The following ARHGAP39 variants were observed in gnomAD, a reference collection of about 807,000 sequenced individuals.
The protein encoded by ARHGAP39 is rho GTPase-activating protein 39.
ARHGAP39 carries 44 observed loss-of-function variants against 106.9 expected under a neutral mutation model. The observed-to-expected ratio is 0.41, with a 90% confidence interval of 0.32 to 0.53. The LOEUF is 0.53. ARHGAP39 is among the 20% of genes least tolerant of loss of function. The pLI is 0.21. For synonymous variants in ARHGAP39, 768 were observed against 693.2 expected, an observed-to-expected ratio of 1.11 and a Z score of -1.69; for missense variants, 1,496 against 1,577.3, an observed-to-expected ratio of 0.95 and a Z score of 0.87.
chr8:144,530,745 C>T lies in ARHGAP39; in HGVS notation c.3107G>A (p.Arg1036His), dbSNP rs867615474. Residue 1036 changes from arginine to histidine, a missense_variant, in exon 11 of 12, where the codon CGC (arginine) becomes CAC (histidine). This residue lies in a region of ARHGAP39 where 470 missense variants were observed against 605.1 expected (regional missense o/e 0.78). Transcript: ENST00000377307. ...GTAGCACAGCACCATGCGGTTGATGCGGGGCAGCGCGTGCACCACGGCCAC... is the reference window on the plus strand; with the variant it reads ...GTAGCACAGCACCATGCGGTTGATGTGGGGCAGCGCGTGCACCACGGCCAC... Reference protein sequence around the residue: ...AAVAVVHALPRINRMVLCYLI... With the variant: ...AAVAVVHALPHINRMVLCYLI... The T allele has an allele frequency of 5.0e-6, 8 of 1,609,316 alleles. No individual in the cohort carries two copies. Among genetic ancestry groups the T allele is most frequent in the African/African-American group, 1.3e-5 (1 of 74,994 alleles).
intron 1 of ARHGAP39, among the ~76,000 whole-genome samples, chr8:144,629,794 C>T (rs1458935444): frequency 2.0e-5 from 3 of 152,040 alleles, no homozygotes; most frequent in Non-Finnish European, 2.9e-5. Flanking sequence ...GGGTGGTGGC[C>T]GGGGGACTTT....
At chr8:144,689,701 A>C (rs1822705039), upstream of ARHGAP39, among the ~76,000 whole-genome samples, 1 of 151,388 alleles carries the variant, frequency 6.6e-6, no homozygotes, top group Non-Finnish European at 1.5e-5. Context: ...CGGCCTCCCA[A>C]AGTGCTGGGA....
chr8:144,569,438 T>G (rs1818511004), intron 3 of ARHGAP39, among the ~76,000 whole-genome samples: 1 of 152,248 alleles, frequency 6.6e-6, no homozygotes, highest in African/African-American at 2.4e-5. Context: ...TACAATGGTA[T>G]ACTACTAAGC....
chr8:144,615,821 C>T (rs1370068180), intron 1 of ARHGAP39, among the ~76,000 whole-genome samples: 1 of 152,252 alleles, frequency 6.6e-6, no homozygotes, highest in Non-Finnish European at 1.5e-5. Context: ...CTGGGCCAGG[C>T]TGGGCAAAGA....
intron 2 of ARHGAP39, among the ~76,000 whole-genome samples, chr8:144,601,430 G>A (rs1487764501): frequency 7.4e-5 from 11 of 148,422 alleles, no homozygotes; most frequent in South Asian, 4.3e-4. Flanking sequence ...GCGTGCGTGC[G>A]TGCGAGCTCG....
chr8:144,636,422 A>G (rs2130983762), intron 1 of ARHGAP39, among the ~76,000 whole-genome samples: 1 of 152,320 alleles, frequency 6.6e-6, no homozygotes, highest in South Asian at 2.1e-4. Flanking sequence ...GGAGGAGTAC[A>G]GAAGGAACAG....
chr8:144,603,239 G>A lies in ARHGAP39; in HGVS notation c.80+2296C>T, dbSNP rs190621433. Among the ~76,000 whole-genome samples, 45 of 150,306 alleles carry A rather than the reference G, an allele frequency of 3.0e-4. 1 individual carries two copies. The East Asian group carries it at 4.3e-3, about 14-fold the overall frequency. ...TGTACCTGTGTGTGTGCCTGGAGGC[G>A]TGCGTGTGTGCTCGTGTACCTGTGT... On this transcript the variant is annotated intron_variant, in intron 2 of 11. Coordinates refer to ENST00000377307, the MANE Select transcript of ARHGAP39 (RefSeq NM_025251.3).
At position 144,529,997 on chromosome 8, in the gene ARHGAP39, C is replaced by G. The variant is rs928108845; in HGVS notation, c.*425G>C. 10 of 173,920 alleles carry G rather than the reference C, an allele frequency of 5.7e-5. No homozygotes were observed. The highest frequency in any genetic ancestry group is 2.4e-4 in the African/African-American group (10 of 41,764). The allele number at this position is 173,920 out of a possible 1,614,324, so 10.8% of individuals were successfully genotyped here. On this transcript the variant is annotated 3_prime_UTR_variant, in exon 12 of 12. Transcript: ENST00000377307. ...GAAGCTCTCTCGGGGCTGGGAAGAG[C>G]TGCAGGCCAGGACGAGGACAGGAGA...
chr8:144,680,601 T>C (rs1163471878), intron 1 of ARHGAP39, among the ~76,000 whole-genome samples: 2 of 152,072 alleles, frequency 1.3e-5, no homozygotes, highest in African/African-American at 4.8e-5. Flanking sequence ...TGAGCATAAA[T>C]TAGATGTTCG....
intron 2 of ARHGAP39, among the ~76,000 whole-genome samples, chr8:144,598,390 G>A (rs919229604): frequency 6.6e-6 from 1 of 152,204 alleles, no homozygotes; most frequent in Non-Finnish European, 1.5e-5. Context: ...GAGGACACAT[G>A]AGCCCCAGGG....
chr8:144,698,105 T>C, the ARHGAP39 span, among the ~76,000 whole-genome samples: 2 of 152,226 alleles, frequency 1.3e-5, no homozygotes, highest in East Asian at 3.8e-4. Context: ...GTTTGGATTA[T>C]GGGGGTGGAT....
chr8:144,599,551 C>G (rs939573208), intron 2 of ARHGAP39, among the ~76,000 whole-genome samples: 1 of 152,062 alleles, frequency 6.6e-6, no homozygotes, highest in East Asian at 1.9e-4. Context: ...AGAAAGGGCA[C>G]GGGGAAGAGG....
chr8:144,605,717 A>C (rs1263590552), intron 1 of ARHGAP39, 22 bp from the exon 2 acceptor site: 5 of 1,148,412 alleles, frequency 4.4e-6, no homozygotes, highest in Non-Finnish European at 5.1e-6. Flanking sequence ...GAGAAGCAAC[A>C]GTGCTGATAT....
rs1254889117 is a variant in ARHGAP39, at chr8:144,685,730, G to A, written c.-126C>T. Among the ~76,000 whole-genome samples the A allele has an allele frequency of 6.8e-6, 1 of 147,466 alleles. No individual in the cohort carries two copies. The highest frequency in any genetic ancestry group is 2.0e-4 in the East Asian group (1 of 5,096). ...CGCGCCGCCACAGTCCCTCATCCCG[G>A]CCCGCGCGACGCGCGTGAGCCAGCC... is the stretch of plus-strand genomic sequence containing the variant. On this transcript the variant is annotated 5_prime_UTR_variant, in exon 1 of 12. Transcript: ENST00000377307.
chr8:144,534,165 G>C lies in ARHGAP39; in HGVS notation c.2652C>G (p.His884Gln). Residue 884 changes from histidine (H) to glutamine (Q), a missense_variant, in exon 8 of 12, where the codon CAC (histidine) becomes CAG (glutamine). Physicochemically the swap from His to Gln is conservative, Grantham distance 24. This residue lies in a region of ARHGAP39 where 470 missense variants were observed against 605.1 expected (regional missense o/e 0.78). Transcript: ENST00000377307. ...AISTYAKYCY[H>Q]KLQKAALTGA... ...CGGTCAGGGCTGCCTTCTGTAGCTT[G>C]TGGTAACAGTACTTGGCATACGTGC... 1 of 1,613,480 alleles carries C rather than the reference G, an allele frequency of 6.2e-7. No homozygotes were observed. The highest frequency in any genetic ancestry group is 2.2e-5 in the East Asian group (1 of 44,862).
chr8:144,572,541 C>T (rs1366435258), intron 3 of ARHGAP39, among the ~76,000 whole-genome samples: 1 of 152,200 alleles, frequency 6.6e-6, no homozygotes, highest in Non-Finnish European at 1.5e-5. Flanking sequence ...AAAACCTAGG[C>T]ATTACCATTC....
At chr8:144,574,193 G>GGAGGAA (rs556365486) in intron 3 of ARHGAP39, among the ~76,000 whole-genome samples, 52 of 150,840 alleles carry the variant, frequency 3.4e-4, no homozygotes, top group African/African-American at 1.2e-3. Context: ...ATGAGGAGGA[G>GGAGGAA]GAGGAGGAGG....
intron 2 of ARHGAP39, among the ~76,000 whole-genome samples, chr8:144,582,026 G>A (rs1005006023): frequency 3.9e-5 from 6 of 152,338 alleles, no homozygotes; most frequent in East Asian, 1.9e-4. Context: ...CGCCATCACC[G>A]GGCTGGTGAG....
chr8:144,608,638 A>G (rs1820380589), intron 1 of ARHGAP39, among the ~76,000 whole-genome samples: 2 of 152,250 alleles, frequency 1.3e-5, no homozygotes, highest in South Asian at 4.1e-4. Context: ...TCTACAAAAT[A>G]GCCTGCTGGG....
Sources: allele counts gnomAD v4.1 joint callset (sites outside exome capture counted in the v4.1 genomes callset), GRCh38; gene constraint gnomAD v4.1.1; regional missense constraint gnomAD v4.1.1; transcripts MANE v1.5; gene names NCBI Gene and HGNC (gene_info 2026-07-23, HGNC 2026-07-21).